ADAMTS19: variants seen among roughly 807,000 people sequenced by gnomAD.
ADAMTS19 encodes A disintegrin and metalloproteinase with thrombospondin motifs 19.
A neutral mutation model predicts 153.3 loss-of-function variants in ADAMTS19; 93 were observed. The observed-to-expected ratio is 0.61, with a 90% CI of 0.51 to 0.72. The LOEUF (loss-of-function observed/expected upper bound fraction) is 0.72, where lower values mean the gene tolerates loss of function less well. Ranked by LOEUF, ADAMTS19 falls within the 30% of genes least tolerant of loss-of-function variation. The pLI is 0.00. For synonymous variants in ADAMTS19, 600 were observed against 556.6 expected (o/e 1.08, Z -1.10); for missense variants, 1,482 against 1,552.1 (o/e 0.95, Z 0.76).
chr5:129,650,291 C>G (rs78999644), intron 13 of ADAMTS19, among the ~76,000 whole-genome samples: 1 of 152,264 alleles, frequency 6.6e-6, no homozygotes, highest in East Asian at 1.9e-4. Flanking sequence ...CCACTAGTCT[C>G]TCTTTTCTCC....
chr5:129,509,211 T>C lies in ADAMTS19; in HGVS notation c.882T>C (p.Ala294=), dbSNP rs776086998. The C allele has an allele frequency of 1.2e-6, 2 of 1,612,006 alleles. No individual in the cohort carries two copies. The highest frequency in any genetic ancestry group is 2.2e-5 in the South Asian group (2 of 91,006). The change falls in exon 3 of 23, where the codon GCT becomes GCC. Residue 294 remains alanine (A), a synonymous_variant. Transcript: ENST00000274487. The part of the protein sequence containing the change: ...SMEEKVTEKS[A]LHSHYCGIIS... The stretch of plus-strand genomic sequence containing the variant: ...AGGAAAAGGTCACAGAGAAGTCAGC[T>C]CTTCACAGTCATTACTGTGGTATCA...
intron 20 of ADAMTS19, among the ~76,000 whole-genome samples, chr5:129,703,031 C>T (rs1257878386): frequency 6.9e-6 from 1 of 144,744 alleles, no homozygotes; most frequent in East Asian, 2.0e-4. Flanking sequence ...TAAAACTGAA[C>T]ATATTCAAAT....
At chr5:129,654,667 T>A (rs1406251799) in intron 14 of ADAMTS19, among the ~76,000 whole-genome samples, 2 of 152,184 alleles carry the variant, frequency 1.3e-5, no homozygotes, top group Non-Finnish European at 2.9e-5. Flanking sequence ...ACTGAAAGAA[T>A]CTGAGATTTT....
At chr5:129,650,568 C>G (rs1753273964) in intron 13 of ADAMTS19, among the ~76,000 whole-genome samples, 1 of 152,162 alleles carries the variant, frequency 6.6e-6, no homozygotes, top group Non-Finnish European at 1.5e-5. Flanking sequence ...GATACTTCAT[C>G]TGCTTTCTGC....
At chr5:129,639,722 T>G (rs1227248701) in intron 10 of ADAMTS19, among the ~76,000 whole-genome samples, 1 of 152,208 alleles carries the variant, frequency 6.6e-6, no homozygotes, top group Non-Finnish European at 1.5e-5. Flanking sequence ...AAATAATTAT[T>G]GTTATGAGAT....
At position 129,598,678 on chromosome 5, in the gene ADAMTS19, A is replaced by G. The variant is rs1176589879; in HGVS notation, c.1478+2014A>G. On this transcript the variant is annotated intron_variant, in intron 8 of 22. Transcript: ENST00000274487. ...CAAATTAACATAAGCATTACCTCAC[A>G]TATTTAGCAGTTGTGTTGAGAACTT... 3.3e-5 allele frequency among the ~76,000 whole-genome samples: 5 copies of G among 152,198 alleles called. No homozygotes were observed. In the East Asian group the frequency reaches 7.7e-4, roughly 23 times the overall value.
intron 21 of ADAMTS19, among the ~76,000 whole-genome samples, chr5:129,730,493 A>G (rs907723477): frequency 1.3e-5 from 2 of 152,168 alleles, no homozygotes; most frequent in Admixed American, 6.5e-5. Flanking sequence ...TAACAGAAAT[A>G]TAGGCTTCAT....
At chr5:129,613,642 A>C (rs1751349947) in intron 8 of ADAMTS19, among the ~76,000 whole-genome samples, 1 of 152,188 alleles carries the variant, frequency 6.6e-6, no homozygotes, top group African/African-American at 2.4e-5. Context: ...AAGCAAGAGC[A>C]AACACATTCA....
In ADAMTS19 at chr5:129,674,817, A is replaced by C. The variant is rs75193489; in HGVS notation, c.2507-4947A>C. Among the ~76,000 whole-genome samples, 1,279 of 152,272 alleles carry C rather than the reference A, an allele frequency of 8.4e-3. 19 individuals carry two copies. Among genetic ancestry groups the C allele is most frequent in the African/African-American group, 0.025 (1,036 of 41,562 alleles). Reference sequence around the variant, plus strand: ...TAATTATACTAAAAATAATATCGATACTTTTTTATACATTTACCACTATCA... The same window carrying C: ...TAATTATACTAAAAATAATATCGATCCTTTTTTATACATTTACCACTATCA... On this transcript the variant is annotated intron_variant, in intron 16 of 22. Coordinates refer to ENST00000274487, the MANE Select transcript of ADAMTS19 (RefSeq NM_133638.6).
chr5:129,509,293 ACTACTTT>A, intron 3 of ADAMTS19, 51 bp downstream of exon 3: 1 of 1,511,400 alleles, frequency 6.6e-7, no homozygotes. Context: ...ATGTGAGATG[ACTACTTT>A]AAAAAAACTC....
At chr5:129,542,185 CAA>C (rs1216363919) in intron 6 of ADAMTS19, among the ~76,000 whole-genome samples, 2 of 152,076 alleles carry the variant, frequency 1.3e-5, no homozygotes, top group African/African-American at 4.8e-5. Flanking sequence ...GGAAAGATAG[CAA>C]AGAGGAAAGC....
intron 2 of ADAMTS19, among the ~76,000 whole-genome samples, chr5:129,487,039 C>T (rs1313223117): frequency 6.6e-6 from 1 of 152,164 alleles, no homozygotes; most frequent in Non-Finnish European, 1.5e-5. Flanking sequence ...CATACTATTT[C>T]AGCTTTCTAC....
chr5:129,704,297 G>C lies in ADAMTS19; in HGVS notation c.3218G>C (p.Arg1073Thr). 2 of 1,614,138 alleles carry C rather than the reference G, an allele frequency of 1.2e-6. No homozygotes were observed. Residue 1073 changes from arginine to threonine, a missense_variant, in exon 21 of 23, where the codon AGA (arginine) becomes ACA (threonine). By Grantham distance (71) the Arg-to-Thr change is moderately conservative. Coordinates refer to ENST00000274487, the MANE Select transcript of ADAMTS19 (RefSeq NM_133638.6). Reference sequence around the variant, plus strand: ...CGGACCGTTAGATGTACCAACCCAAGAAAGAAGTGTGTCCTCTCTACCAGA... The same window carrying C: ...CGGACCGTTAGATGTACCAACCCAACAAAGAAGTGTGTCCTCTCTACCAGA... The part of the protein sequence containing the change: ...RHRTVRCTNP[R>T]KKCVLSTRPR...
intron 3 of ADAMTS19, among the ~76,000 whole-genome samples, chr5:129,516,012 T>C (rs552004922): frequency 1.5e-4 from 23 of 151,972 alleles, no homozygotes; most frequent in Non-Finnish European, 2.9e-4. Context: ...TTGAATTTTA[T>C]GAAATGCTTT....
rs566149422 is a variant in ADAMTS19 at position 129,536,322 on chromosome 5, C to A, written c.1328+7645C>A. On this transcript the variant is annotated intron_variant, in intron 6 of 22. Transcript: ENST00000274487. ...AGACACATGAAAAAATGCTCATCAT[C>A]ACTGGCCATCAGAAAAATGCAAATC... is the stretch of plus-strand genomic sequence containing the variant. 2.1e-3 allele frequency among the ~76,000 whole-genome samples: 327 copies of A among 152,278 alleles called. 1 individual carries two copies. The highest frequency in any genetic ancestry group is 7.3e-3 in the African/African-American group (303 of 41,548).
intron 3 of ADAMTS19, among the ~76,000 whole-genome samples, chr5:129,519,516 C>T (rs1376116281): frequency 6.6e-6 from 1 of 152,062 alleles, no homozygotes; most frequent in African/African-American, 2.4e-5. Flanking sequence ...TCCTAGTCCA[C>T]TGTCTCTAGC....
intron 8 of ADAMTS19, among the ~76,000 whole-genome samples, chr5:129,615,842 T>C (rs1383351361): frequency 6.6e-6 from 1 of 151,982 alleles, no homozygotes; most frequent in Non-Finnish European, 1.5e-5. Flanking sequence ...CCATTGGCTA[T>C]CCAAGAGCAA....
chr5:129,601,602 T>C (rs182927547), intron 8 of ADAMTS19, among the ~76,000 whole-genome samples: 53 of 152,230 alleles, frequency 3.5e-4, no homozygotes, highest in African/African-American at 1.0e-3. Context: ...TGGAAGGATA[T>C]AGATTAAAAG....
Position 129,461,355 on chromosome 5 carries a change from G to T in ADAMTS19, c.345G>T (p.Ser115=). ...CCCGGCTCCGGCCCCCGCCGCCGTC[G>T]GAGGGTGAGGAGGACGAGGAGCTCG... ...SESRLRPPPP[S]EGEEDEELES... is the part of the protein sequence containing the mutation. The change falls in exon 2 of 23, where the codon TCG becomes TCT. Residue 115 remains serine (S), a synonymous_variant. Coordinates refer to ENST00000274487, the MANE Select transcript of ADAMTS19 (RefSeq NM_133638.6). This position sits in a 1 kb window ranked among gnomAD's most constrained non-coding sequence, Gnocchi z 4.6. 1.5e-6 allele frequency: 2 copies of T among 1,335,234 alleles called. No homozygotes were observed. The highest frequency in any genetic ancestry group is 2.1e-5 in the South Asian group (1 of 46,798). 82.7% of individuals were successfully genotyped at this position (1,335,234 alleles called of 1,614,324 possible).
Sources: allele counts gnomAD v4.1 joint callset (sites outside exome capture counted in the v4.1 genomes callset), GRCh38; gene constraint gnomAD v4.1.1; non-coding constraint Gnocchi (gnomAD v3.1); transcripts MANE v1.5; gene names NCBI Gene and HGNC (gene_info 2026-07-23, HGNC 2026-07-21).